The following CCDC3 variants were observed in gnomAD, a reference collection of about 807,000 sequenced individuals.
The protein encoded by CCDC3 is coiled-coil domain containing 3.
CCDC3 carries 24 observed loss-of-function variants against 21.4 expected under a neutral mutation model. The ratio of observed to expected loss-of-function variants is 1.12; its 90% confidence interval spans 0.81 to 1.58. The LOEUF is 1.58. Among genes scored for constraint, CCDC3 ranks in the 40% most tolerant of loss-of-function variants. The pLI is 0.00. For synonymous variants in CCDC3, 186 were observed against 166.0 expected, an observed-to-expected ratio of 1.12 and a Z score of -0.93; for missense variants, 425 against 360.9, an observed-to-expected ratio of 1.18 and a Z score of -1.44.
At chr10:12,926,157 A>G (rs1225013146) in intron 2 of CCDC3, among the ~76,000 whole-genome samples, 2 of 152,226 alleles carry the variant, frequency 1.3e-5, no homozygotes, top group African/African-American at 2.4e-5. Flanking sequence ...AGCAGAAACC[A>G]AAGGATCCAT....
chr10:13,083,722 T>G (rs968303862), intron 3 of CCDC3, among the ~76,000 whole-genome samples: 2 of 152,256 alleles, frequency 1.3e-5, no homozygotes, highest in South Asian at 2.1e-4. Flanking sequence ...TCCATTGCTT[T>G]TACCTATTTA....
chr10:12,942,348 T>A (rs1834845357), intron 2 of CCDC3, among the ~76,000 whole-genome samples: 1 of 152,170 alleles, frequency 6.6e-6, no homozygotes, highest in African/African-American at 2.4e-5. Flanking sequence ...AAAAAGAAAT[T>A]TAGGCAGTTG....
intron 3 of CCDC3, among the ~76,000 whole-genome samples, chr10:13,074,677 C>T (rs867422002): frequency 1.3e-5 from 2 of 151,286 alleles, no homozygotes; most frequent in African/African-American, 4.9e-5. Context: ...ACTGTTTAAT[C>T]TTTCTCATAA....
At chr10:13,071,710 C>T (rs565233490) in intron 4 of CCDC3, among the ~76,000 whole-genome samples, 2 of 152,288 alleles carry the variant, frequency 1.3e-5, no homozygotes, top group African/African-American at 2.4e-5. Flanking sequence ...CCGTCCCTCA[C>T]GTACTCTGGG....
At chr10:13,049,220 G>T (rs1470385618) in intron 5 of CCDC3, among the ~76,000 whole-genome samples, 1 of 152,182 alleles carries the variant, frequency 6.6e-6, no homozygotes, top group Non-Finnish European at 1.5e-5. Flanking sequence ...TGAATAAGGA[G>T]ATCAGTTAGA....
intron 1 of CCDC3, among the ~76,000 whole-genome samples, chr10:12,999,614 A>T (rs1835815549): frequency 6.6e-6 from 1 of 152,204 alleles, no homozygotes; most frequent in African/African-American, 2.4e-5. Flanking sequence ...TGTGAAATGA[A>T]AATGTCAGAC....
At chr10:12,914,308 G>C (rs1834315846) in intron 2 of CCDC3, among the ~76,000 whole-genome samples, 1 of 152,096 alleles carries the variant, frequency 6.6e-6, no homozygotes, top group Non-Finnish European at 1.5e-5. Context: ...ATCATAGTAG[G>C]TTGTATGTGT....
At chr10:13,041,469 C>G (rs1372544191) in intron 5 of CCDC3, among the ~76,000 whole-genome samples, 1 of 141,734 alleles carries the variant, frequency 7.1e-6, no homozygotes, top group Non-Finnish European at 1.5e-5. Context: ...TTCCCCCTCG[C>G]TGTGTGTAAG....
At chr10:13,057,864 G>A in intron 4 of CCDC3, 1 of 435,320 alleles carries the variant, frequency 2.3e-6, no homozygotes. Context: ...CCAGATGACA[G>A]TGCGAGACTC....
intron 5 of CCDC3, among the ~76,000 whole-genome samples, chr10:13,040,918 C>T (rs972511914): frequency 3.3e-5 from 5 of 152,104 alleles, no homozygotes; most frequent in Admixed American, 1.3e-4. Flanking sequence ...TTGTGTATCT[C>T]ACCTATAGAT....
chr10:12,927,756 T>G (rs1260985308), intron 2 of CCDC3, among the ~76,000 whole-genome samples: 1 of 152,172 alleles, frequency 6.6e-6, no homozygotes, highest in African/African-American at 2.4e-5. Context: ...CTGAACCTAT[T>G]GGGGTTAATT....
chr10:12,944,640 T>G (rs1453930015), intron 2 of CCDC3, among the ~76,000 whole-genome samples: 1 of 152,212 alleles, frequency 6.6e-6, no homozygotes. Context: ...GTTCTTAACT[T>G]AGGCAAAATA....
intron 2 of CCDC3, among the ~76,000 whole-genome samples, chr10:12,976,506 C>G (rs1027028025): frequency 1.3e-5 from 2 of 152,280 alleles, no homozygotes; most frequent in African/African-American, 4.8e-5. Flanking sequence ...TCACACAAAG[C>G]TGAATCATCA....
At chr10:12,928,444 C>T (rs115767293) in intron 2 of CCDC3, among the ~76,000 whole-genome samples, 1,930 of 152,296 alleles carry the variant, frequency 0.013, 58 homozygotes, top group African/African-American at 0.044. Flanking sequence ...TTAACATCCT[C>T]AATAGGCTAC....
In CCDC3 at chr10:12,931,040, G is replaced by A. The variant is rs528048916; in HGVS notation, c.550-32361C>T. 3.9e-5 allele frequency among the ~76,000 whole-genome samples: 6 copies of A among 151,928 alleles called. No homozygotes were observed. The East Asian group carries it at 7.8e-4, about 20-fold the overall frequency. On this transcript the variant is annotated intron_variant, in intron 2 of 2. Transcript: ENST00000378825. ...AGCCTGGCCAACATGGCGAAACCCC[G>A]TGTCTACTAAAAATACAAAAATTAG...
intron 2 of CCDC3, among the ~76,000 whole-genome samples, chr10:12,993,846 G>A (rs910006731): frequency 2.0e-5 from 3 of 152,172 alleles, no homozygotes; most frequent in African/African-American, 7.2e-5. Context: ...GAGAGGTGCT[G>A]GAAAGGAACC....
At chr10:12,977,653 C>T (rs555670370) in intron 2 of CCDC3, among the ~76,000 whole-genome samples, 8 of 152,198 alleles carry the variant, frequency 5.3e-5, no homozygotes, top group Admixed American at 6.5e-5. Flanking sequence ...CTTCTTACAA[C>T]ATAAAATCCA....
rs768997956 is a variant in CCDC3, at chr10:13,017,654, C to G, written c.-1-19142G>C. Among the ~76,000 whole-genome samples the G allele has an allele frequency of 1.4e-4, 21 of 152,014 alleles. 1 individual carries two copies. Among genetic ancestry groups the G allele is most frequent in the Non-Finnish European group, 2.6e-4 (18 of 67,962 alleles). Reference sequence around the variant, plus strand: ...ATGGAAATACTAGGCACAGCCTGAGCATTTGACAATATTCATCATTCAACA... The same window carrying G: ...ATGGAAATACTAGGCACAGCCTGAGGATTTGACAATATTCATCATTCAACA... On this transcript the variant is annotated intron_variant, in intron 5 of 6. Transcript: ENST00000378839.
chr10:13,067,917 G>GT (rs1836841282), intron 4 of CCDC3, among the ~76,000 whole-genome samples: 1 of 152,032 alleles, frequency 6.6e-6, no homozygotes, highest in Non-Finnish European at 1.5e-5. Flanking sequence ...AGGTCTTTAC[G>GT]TTTTTTGTTT....
Sources: allele counts gnomAD v4.1 joint callset (sites outside exome capture counted in the v4.1 genomes callset), GRCh38; gene constraint gnomAD v4.1.1; transcripts MANE v1.5; gene names NCBI Gene and HGNC (gene_info 2026-07-23, HGNC 2026-07-21).